The following PPP2R2B variants were observed in gnomAD, a reference collection of about 807,000 sequenced individuals.
PPP2R2B encodes the protein serine/threonine-protein phosphatase 2A 55 kDa regulatory subunit B beta isoform.
A neutral mutation model predicts 46.0 loss-of-function variants in PPP2R2B; 5 were observed. That is an observed-to-expected ratio of 0.11 (90% CI 0.06 to 0.23). The LOEUF is 0.23. PPP2R2B is among the 10% of genes least tolerant of loss of function. The pLI is 1.00. For synonymous variants in PPP2R2B, 215 were observed against 206.7 expected (o/e 1.04, Z -0.34); for missense variants, 367 against 575.0 (o/e 0.64, Z 3.70).
At chr5:146,917,968 T>C (rs973210670) in intron 1 of PPP2R2B, 8 of 152,224 alleles carry the variant, frequency 5.3e-5, no homozygotes, top group Non-Finnish European at 1.2e-4. Flanking sequence ...ATGCAAGCTA[T>C]CTGCTTTTCA....
intron 2 of PPP2R2B, among the ~76,000 whole-genome samples, chr5:146,756,697 AGC>A (rs1243561771): frequency 1.3e-5 from 2 of 152,256 alleles, no homozygotes; most frequent in East Asian, 3.8e-4. Flanking sequence ...TAATAGTACC[AGC>A]ATCACATGGT....
intron 2 of PPP2R2B, among the ~76,000 whole-genome samples, chr5:146,738,180 A>T (rs1752654592): frequency 6.6e-6 from 1 of 151,790 alleles, no homozygotes; most frequent in South Asian, 2.1e-4. Flanking sequence ...GCGGATCACG[A>T]GGTCAGGAGA....
chr5:146,955,446 A>C (rs1364670832), intron 1 of PPP2R2B, among the ~76,000 whole-genome samples: 1 of 152,210 alleles, frequency 6.6e-6, no homozygotes, highest in Non-Finnish European at 1.5e-5. Context: ...ACAATGTTTT[A>C]AATTGTTCTG....
At chr5:146,881,007 G>A (rs1451986105), upstream of PPP2R2B, among the ~76,000 whole-genome samples, 1 of 152,040 alleles carries the variant, frequency 6.6e-6, no homozygotes, top group African/African-American at 2.4e-5. Flanking sequence ...ACAACGACCT[G>A]TGGTGGAGGT....
intron 1 of PPP2R2B, among the ~76,000 whole-genome samples, chr5:146,906,071 A>G (rs1762985781): frequency 6.6e-6 from 1 of 152,154 alleles, no homozygotes; most frequent in African/African-American, 2.4e-5. Flanking sequence ...TGTGAATTTT[A>G]TAAGTTCTAA....
intron 2 of PPP2R2B, among the ~76,000 whole-genome samples, chr5:146,851,790 A>G (rs74702040): frequency 0.022 from 3,312 of 152,174 alleles, 129 homozygotes; most frequent in African/African-American, 0.074. Flanking sequence ...GCATATCTCA[A>G]CAGAGCAGCT....
At chr5:146,634,763 TACAC>T (rs57882196) in intron 7 of PPP2R2B, among the ~76,000 whole-genome samples, 3,168 of 149,530 alleles carry the variant, frequency 0.021, 51 homozygotes, top group Admixed American at 0.065. Context: ...TCTCTTAACT[TACAC>T]ACACACACAC....
intron 5 of PPP2R2B, among the ~76,000 whole-genome samples, chr5:146,670,304 G>A (rs1329119858): frequency 2.6e-5 from 4 of 152,004 alleles, no homozygotes; most frequent in South Asian, 4.1e-4. Flanking sequence ...TTCTTAAAGA[G>A]CAATAGAAAA....
intron 2 of PPP2R2B, among the ~76,000 whole-genome samples, chr5:146,849,006 G>T (rs1760179432): frequency 6.6e-6 from 1 of 152,104 alleles, no homozygotes; most frequent in Admixed American, 6.6e-5. Context: ...GTGTCCTTTT[G>T]ACATACCTCC....
intron 1 of PPP2R2B, among the ~76,000 whole-genome samples, chr5:146,883,818 C>T (rs1453388014): frequency 6.6e-6 from 1 of 152,176 alleles, no homozygotes; most frequent in African/African-American, 2.4e-5. Flanking sequence ...AAACCTCTTG[C>T]CCTCAAAGTG....
At chr5:146,901,551 A>G (rs929810713) in intron 1 of PPP2R2B, among the ~76,000 whole-genome samples, 1 of 152,064 alleles carries the variant, frequency 6.6e-6, no homozygotes, top group African/African-American at 2.4e-5. Context: ...TTCCAATGCT[A>G]TTTCAACCTA....
intron 2 of PPP2R2B, among the ~76,000 whole-genome samples, chr5:146,744,801 C>T (rs1026372084): frequency 6.6e-6 from 1 of 152,216 alleles, no homozygotes; most frequent in African/African-American, 2.4e-5. Flanking sequence ...AGGCTATCTA[C>T]TTCTTATTCT....
At position 146,600,463 on chromosome 5, in the gene PPP2R2B, G is replaced by A; in HGVS notation, c.791-3C>T. 6.2e-7 allele frequency: 1 copy of A among 1,613,392 alleles called. No homozygotes were observed. Among genetic ancestry groups the A allele is most frequent in the Non-Finnish European group, 8.5e-7 (1 of 1,179,710 alleles). ...TGGATCTTCCGGCTCTTCAAAAACT[G>A]CAGAACAAAAGCAAAACAAGACAAA... is the stretch of plus-strand genomic sequence containing the variant. On this transcript the variant is annotated splice_polypyrimidine_tract_variant and splice_region_variant and intron_variant, in intron 7 of 9. Transcript: ENST00000394411.
chr5:146,959,590 G>C (rs191727328), intron 1 of PPP2R2B, among the ~76,000 whole-genome samples: 2 of 152,128 alleles, frequency 1.3e-5, no homozygotes, highest in Non-Finnish European at 2.9e-5. Context: ...GGCAGGGTTG[G>C]GGGGCAGGAG....
intron 2 of PPP2R2B, among the ~76,000 whole-genome samples, chr5:146,797,550 G>A (rs745328196): frequency 3.9e-5 from 6 of 152,298 alleles, no homozygotes; most frequent in Non-Finnish European, 7.4e-5. Context: ...GAAAGACTCT[G>A]CATCTGTGCT....
At chr5:146,742,504 T>C (rs1013649250) in intron 2 of PPP2R2B, among the ~76,000 whole-genome samples, 2 of 152,220 alleles carry the variant, frequency 1.3e-5, no homozygotes, top group Non-Finnish European at 2.9e-5. Context: ...ATTCACACTA[T>C]GCATTGATAT....
chr5:146,636,888 T>C (rs1331765590), intron 7 of PPP2R2B, among the ~76,000 whole-genome samples: 1 of 152,200 alleles, frequency 6.6e-6, no homozygotes, highest in Non-Finnish European at 1.5e-5. Context: ...GCCCATTCTG[T>C]GGTTGCTGCC....
chr5:146,629,304 C>T (rs1391188050), intron 7 of PPP2R2B, among the ~76,000 whole-genome samples: 1 of 152,094 alleles, frequency 6.6e-6, no homozygotes, highest in African/African-American at 2.4e-5. Flanking sequence ...TGTATGGTAC[C>T]GTACAGTAAC....
chr5:146,677,480 G>A (rs1777811747), intron 5 of PPP2R2B, among the ~76,000 whole-genome samples: 1 of 151,416 alleles, frequency 6.6e-6, no homozygotes, highest in Non-Finnish European at 1.5e-5. Context: ...TCACATTAAT[G>A]GTATCATGCT....
Sources: gnomAD v4.1 joint callset for allele counts (sites outside exome capture counted in the v4.1 genomes callset) on GRCh38, gnomAD v4.1.1 for gene constraint, MANE v1.5 for transcripts, NCBI Gene and HGNC (gene_info 2026-07-23, HGNC 2026-07-21) for gene names.